Variants in SLCO3A1 observed in about 807,000 individuals in gnomAD.
SLCO3A1 encodes the protein PGE1 transporter.
SLCO3A1 carries 27 observed loss-of-function variants against 63.1 expected under a neutral mutation model. The observed-to-expected ratio is 0.43, with a 90% confidence interval of 0.32 to 0.59. The LOEUF is 0.59. SLCO3A1 is among the 20% of genes least tolerant of loss of function. SLCO3A1 has a pLI of 0.09. For missense variants in SLCO3A1, 773 were observed against 945.8 expected (o/e 0.82, Z 2.40); for synonymous variants, 473 against 409.9 (o/e 1.15, Z -1.86).
At chr15:92,017,171 G>C (rs2046447648) in intron 2 of SLCO3A1, among the ~76,000 whole-genome samples, 1 of 152,194 alleles carries the variant, frequency 6.6e-6, no homozygotes, top group African/African-American at 2.4e-5. Flanking sequence ...AGCTTCAGCT[G>C]CTGCAGGGAG....
intron 2 of SLCO3A1, among the ~76,000 whole-genome samples, chr15:92,046,866 G>C (rs2046870329): frequency 6.8e-6 from 1 of 147,992 alleles, no homozygotes; most frequent in Non-Finnish European, 1.5e-5. Flanking sequence ...TTTTCAATAG[G>C]GCTGGCAAGG....
intron 2 of SLCO3A1, among the ~76,000 whole-genome samples, chr15:91,952,370 C>T (rs1900029083): frequency 6.6e-6 from 1 of 152,244 alleles, no homozygotes; most frequent in African/African-American, 2.4e-5. Context: ...TGGTCAGCCA[C>T]AAAGGGTAGT....
At chr15:92,031,017 A>AGGGC (rs1438170041) in intron 2 of SLCO3A1, among the ~76,000 whole-genome samples, 3 of 5,226 alleles carry the variant, frequency 5.7e-4, no homozygotes, top group African/African-American at 4.1e-3. Context: ...GTACCCTGTG[A>AGGGC]GGGAGGGAGG....
chr15:91,990,260 T>C (rs1022615951), intron 2 of SLCO3A1, among the ~76,000 whole-genome samples: 2 of 152,168 alleles, frequency 1.3e-5, no homozygotes, highest in Non-Finnish European at 2.9e-5. Context: ...TTTTAATAGA[T>C]TTTTGTTCTT....
At chr15:91,997,833 A>G (rs1035665796) in intron 2 of SLCO3A1, among the ~76,000 whole-genome samples, 12 of 152,202 alleles carry the variant, frequency 7.9e-5, no homozygotes, top group African/African-American at 2.2e-4. Context: ...CTGGACCCCT[A>G]TCTTTCAACA....
At chr15:91,949,292 T>G (rs543374660) in intron 2 of SLCO3A1, among the ~76,000 whole-genome samples, 27 of 152,262 alleles carry the variant, frequency 1.8e-4, no homozygotes, top group Non-Finnish European at 3.1e-4. Flanking sequence ...GATCCGGCAC[T>G]AGGTTTCTCA....
At position 91,872,350 on chromosome 15, in the gene SLCO3A1, G is replaced by C. The variant is rs573423869; in HGVS notation, c.180+18262G>C. On this transcript the variant is annotated intron_variant, in intron 1 of 9. Transcript: ENST00000318445. This position sits in a 1 kb window ranked among gnomAD's most constrained non-coding sequence, Gnocchi z 4.1. ...GTTCGAGACCAGCCTGGCCAACGTG[G>C]TGAAACCCCTTCTCTACTAAAAATA... Among the ~76,000 whole-genome samples, 13 of 152,062 alleles carry C rather than the reference G, an allele frequency of 8.5e-5. No homozygotes were observed. The highest frequency in any genetic ancestry group is 2.0e-4 in the Admixed American group (3 of 15,256).
chr15:92,061,178 T>C (rs560189859), intron 2 of SLCO3A1, among the ~76,000 whole-genome samples: 28 of 152,362 alleles, frequency 1.8e-4, no homozygotes, highest in African/African-American at 5.8e-4. Context: ...GGGTCTGGTA[T>C]ACATAGGTGC....
chr15:91,964,314 T>C (rs1788702231), intron 2 of SLCO3A1, among the ~76,000 whole-genome samples: 1 of 152,062 alleles, frequency 6.6e-6, no homozygotes, highest in Non-Finnish European at 1.5e-5. Context: ...TTGTTTTTGG[T>C]CATTTTTAGG....
intron 2 of SLCO3A1, among the ~76,000 whole-genome samples, chr15:91,976,500 A>G (rs1038009171): frequency 6.6e-6 from 1 of 152,114 alleles, no homozygotes; most frequent in African/African-American, 2.4e-5. Context: ...GTAGCCATGT[A>G]CCAATTGCAT....
chr15:92,062,867 G>A (rs2047103573), intron 2 of SLCO3A1, among the ~76,000 whole-genome samples: 1 of 152,198 alleles, frequency 6.6e-6, no homozygotes, highest in African/African-American at 2.4e-5. Context: ...GCCCTGGGAT[G>A]GCTTCTGAAT....
chr15:92,163,478 G>A lies in SLCO3A1; in HGVS notation c.*343G>A. 9.7e-7 allele frequency: 1 copy of A among 1,026,282 alleles called. No homozygotes were observed. Among genetic ancestry groups the A allele is most frequent in the South Asian group, 4.6e-5 (1 of 21,662 alleles). 63.6% of individuals were successfully genotyped at this position (1,026,282 alleles called of 1,614,324 possible). A position where few individuals can be genotyped will look rare whatever the true frequency, so the allele number is the denominator to read the frequency against. ...GGGAACAGTGGTGGCCAGCTTGGAGGATGGACATTTCTGGATACACATACA... is the reference window on the plus strand; with the variant it reads ...GGGAACAGTGGTGGCCAGCTTGGAGAATGGACATTTCTGGATACACATACA... On this transcript the variant is annotated 3_prime_UTR_variant, in exon 10 of 10. Transcript: ENST00000318445.
At chr15:91,926,597 G>GTGTGTGCA (rs1304406067) in intron 2 of SLCO3A1, among the ~76,000 whole-genome samples, 1 of 31,854 alleles carries the variant, frequency 3.1e-5, no homozygotes, top group Non-Finnish European at 6.9e-5. Flanking sequence ...GTGTGTGTGT[G>GTGTGTGCA]CGCGCGCGCA....
chr15:92,139,187 G>A (rs994937466), intron 7 of SLCO3A1, among the ~76,000 whole-genome samples: 4 of 150,556 alleles, frequency 2.7e-5, no homozygotes, highest in Admixed American at 6.6e-5. Context: ...TAGCATGAAG[G>A]GTTGTTGAAT....
intron 2 of SLCO3A1, among the ~76,000 whole-genome samples, chr15:92,054,304 G>A (rs1429783993): frequency 2.0e-5 from 3 of 152,148 alleles, no homozygotes; most frequent in Admixed American, 6.5e-5. Flanking sequence ...AAAATTGAAT[G>A]ATTTACTGCA....
At position 92,164,768 on chromosome 15, in the gene SLCO3A1, T is replaced by G. The variant is rs1405602024; in HGVS notation, c.*1633T>G. On this transcript the variant is annotated 3_prime_UTR_variant, in exon 10 of 10. Transcript: ENST00000318445. ...CCTCAGAGAATGAACCTGTTATGAT[T>G]TGGGGTAAGAATCACGTTGGAAAAC... is the stretch of plus-strand genomic sequence containing the variant. The G allele has an allele frequency of 2.0e-6, 2 of 985,226 alleles. No homozygotes were observed. The highest frequency in any genetic ancestry group is 3.5e-5 in the African/African-American group (2 of 57,190). The allele number at this position is 985,226 out of a possible 1,614,324, so 61.0% of individuals were successfully genotyped here.
chr15:92,019,372 G>C (rs909661885), intron 2 of SLCO3A1, among the ~76,000 whole-genome samples: 8 of 152,162 alleles, frequency 5.3e-5, no homozygotes, highest in Non-Finnish European at 7.4e-5. Context: ...ATCAAATCAG[G>C]TAAAGGCAAA....
At chr15:92,020,207 CACACACACACTATATAT>C (rs1429557905) in intron 2 of SLCO3A1, among the ~76,000 whole-genome samples, 2 of 149,210 alleles carry the variant, frequency 1.3e-5, no homozygotes, top group African/African-American at 5.0e-5. Flanking sequence ...TGTATATATA[CACACACACACTATATAT>C]ACACACACAC....
intron 2 of SLCO3A1, among the ~76,000 whole-genome samples, chr15:92,071,447 AG>A (rs1195978500): frequency 2.6e-5 from 4 of 152,208 alleles, no homozygotes; most frequent in Non-Finnish European, 5.9e-5. Context: ...ATGAAATGAA[AG>A]CTGTAGTCAC....
Sources: allele counts gnomAD v4.1 joint callset (sites outside exome capture counted in the v4.1 genomes callset), GRCh38; gene constraint gnomAD v4.1.1; non-coding constraint Gnocchi (gnomAD v3.1); transcripts MANE v1.5; gene names NCBI Gene and HGNC (gene_info 2026-07-23, HGNC 2026-07-21).